Variants in BFSP1 observed in about 807,000 individuals in gnomAD.
The protein encoded by BFSP1 is filensin.
A neutral mutation model predicts 43.9 loss-of-function variants in BFSP1; 38 were observed. The ratio of observed to expected loss-of-function variants is 0.87; its 90% CI spans 0.67 to 1.14. The LOEUF is 1.14. Ranked by LOEUF, BFSP1 falls within the 50% of genes most tolerant of loss-of-function variation. The pLI, the probability that BFSP1 is intolerant of heterozygous loss-of-function variation, is 0.00. For synonymous variants in BFSP1, 352 were observed against 354.8 expected (o/e 0.99, Z 0.09); for missense variants, 850 against 875.1 (o/e 0.97, Z 0.36).
upstream of BFSP1, among the ~76,000 whole-genome samples, chr20:17,532,299 G>A (rs1408815700): frequency 2.0e-5 from 3 of 151,882 alleles, no homozygotes; most frequent in Non-Finnish European, 4.4e-5. Context: ...CAGCTACCTG[G>A]GAGGCTGAGG....
At chr20:17,516,770 C>T (rs2034209825) in intron 2 of BFSP1, 1 of 408,094 alleles carries the variant, frequency 2.5e-6, no homozygotes, top group Admixed American at 3.7e-5. Context: ...AGTCAATGTG[C>T]AACCCTTAGG....
At chr20:17,545,259 C>A (rs1396882777) in intron 1 of BFSP1, among the ~76,000 whole-genome samples, 1 of 152,096 alleles carries the variant, frequency 6.6e-6, no homozygotes, top group Non-Finnish European at 1.5e-5. Context: ...GGTTTGCGGG[C>A]TGGGCTGGAC....
chr20:17,508,938 C>A lies in BFSP1; in HGVS notation c.686G>T (p.Arg229Leu). 6.2e-7 allele frequency: 1 copy of A among 1,605,328 alleles called. No individual in the cohort carries two copies. ...CGCCTGCAGGTGGGAGAGCACCTCC[C>A]GGCCCTCCTCCAGCTGACTCCGCAG... ...AALRSQLEEG[R>L]EVLSHLQAQR... Residue 229 changes from arginine to leucine, a missense_variant, in exon 5 of 8, where the codon CGG becomes CTG. Transcript: ENST00000377873.
At chr20:17,501,787 G>A (rs2033809556) in intron 5 of BFSP1, among the ~76,000 whole-genome samples, 2 of 152,168 alleles carry the variant, frequency 1.3e-5, no homozygotes, top group Admixed American at 1.3e-4. Flanking sequence ...CCACTCTCCT[G>A]TGCAGAGTTA....
Position 17,494,792 on chromosome 20 carries a change from GC to G in BFSP1, c.1279del (p.Ala427LeufsTer11), listed in dbSNP as rs763336975. 1 of 1,614,200 alleles carries G rather than the reference GC, an allele frequency of 6.2e-7. No individual in the cohort carries two copies. The highest frequency in any genetic ancestry group is 8.5e-7 in the Non-Finnish European group (1 of 1,180,042). ...CCCTCCATCTGGCACATCCTCTGGAGCCCCTTCTTGTGTCAGGGGACTTACT... is the reference window on the plus strand; with the variant it reads ...CCCTCCATCTGGCACATCCTCTGGAGCCCTTCTTGTGTCAGGGGACTTACT... ...KEVSPLTQEGAPEDVPDGGQI... is the reference protein window; with the variant it reads ...KEVSPLTQEGXPEDVPDGGQI... On this transcript the variant is annotated frameshift_variant, in exon 8 of 8. Coordinates refer to ENST00000377873, the MANE Select transcript of BFSP1 (RefSeq NM_001195.5). LOFTEE classifies it low-confidence loss of function (END_TRUNC).
chr20:17,567,715 G>T (rs2035135968), intron 1 of BFSP1, among the ~76,000 whole-genome samples: 1 of 152,112 alleles, frequency 6.6e-6, no homozygotes, highest in Admixed American at 6.5e-5. Context: ...TACAAAATTA[G>T]CCGGGTGTGG....
intron 1 of BFSP1, among the ~76,000 whole-genome samples, chr20:17,547,749 T>TG (rs398035456): frequency 1.3e-4 from 20 of 150,254 alleles, no homozygotes; most frequent in Non-Finnish European, 2.5e-4. Flanking sequence ...TTTTTTTTTT[T>TG]GAAACAAGGT....
At chr20:17,514,680 C>T (rs999012323) in intron 3 of BFSP1, 41 bp downstream of exon 3, 1 of 1,589,010 alleles carries the variant, frequency 6.3e-7, no homozygotes. Flanking sequence ...CAAACCCAAA[C>T]TGGGTTTTCT....
chr20:17,520,998 T>C (rs2034309345), intron 2 of BFSP1, among the ~76,000 whole-genome samples: 1 of 152,198 alleles, frequency 6.6e-6, no homozygotes, highest in Admixed American at 6.5e-5. Flanking sequence ...CATTTTAAAA[T>C]TCTGGGAATT....
chr20:17,559,607 G>T (rs1431166192), upstream of BFSP1, among the ~76,000 whole-genome samples: 1 of 152,176 alleles, frequency 6.6e-6, no homozygotes, highest in Non-Finnish European at 1.5e-5. Flanking sequence ...TTGGTCTGTG[G>T]CCTGTTAGGA....
At chr20:17,554,026 T>C (rs989884855) in intron 1 of BFSP1, among the ~76,000 whole-genome samples, 1 of 151,310 alleles carries the variant, frequency 6.6e-6, no homozygotes, top group Non-Finnish European at 1.5e-5. Flanking sequence ...TTATGTACAG[T>C]ATTATGTCCC....
intron 1 of BFSP1, among the ~76,000 whole-genome samples, chr20:17,537,189 T>C (rs1418318459): frequency 6.6e-6 from 1 of 152,148 alleles, no homozygotes; most frequent in African/African-American, 2.4e-5. Context: ...CTTGAAGCCT[T>C]TCCACCAAAC....
At chr20:17,520,401 C>T (rs1251742034) in intron 2 of BFSP1, among the ~76,000 whole-genome samples, 1 of 152,166 alleles carries the variant, frequency 6.6e-6, no homozygotes, top group Non-Finnish European at 1.5e-5. Context: ...AAAAAACAGC[C>T]TTGCTGACCT....
intron 5 of BFSP1, among the ~76,000 whole-genome samples, chr20:17,499,937 A>T (rs2033755719): frequency 6.6e-6 from 1 of 152,240 alleles, no homozygotes; most frequent in South Asian, 2.1e-4. Context: ...AAAGAAAAAA[A>T]ACTTGCTATC....
intron 1 of BFSP1, among the ~76,000 whole-genome samples, chr20:17,566,201 G>A (rs928979847): frequency 2.0e-5 from 3 of 151,320 alleles, no homozygotes; most frequent in Admixed American, 2.0e-4. Flanking sequence ...AGAGGGAGGA[G>A]TTAAAAGTTT....
At chr20:17,554,656 G>A (rs1187658128) in intron 1 of BFSP1, among the ~76,000 whole-genome samples, 1 of 152,156 alleles carries the variant, frequency 6.6e-6, no homozygotes, top group Non-Finnish European at 1.5e-5. Context: ...AACAGATGAT[G>A]GAATATTAGA....
At position 17,497,017 on chromosome 20, in the gene BFSP1, G is replaced by C. The variant is rs545436491; in HGVS notation, c.963C>G (p.Thr321=). 2.0e-6 allele frequency: 3 copies of C among 1,537,350 alleles called. No homozygotes were observed. The highest frequency in any genetic ancestry group is 5.1e-5 in the East Asian group (2 of 39,560). The change falls in exon 7 of 8, where the codon ACC becomes ACG. Residue 321 remains threonine, a synonymous_variant. Transcript: ENST00000377873. The part of the protein sequence containing the change: ...RIIEIEGNRL[T]SAFIETPIPL... Reference sequence around the variant, plus strand: ...GAATGGGAGTTTCAATGAAGGCAGAGGTCAGCCTGGCAGAAAGAACCAGAA... The same window carrying C: ...GAATGGGAGTTTCAATGAAGGCAGACGTCAGCCTGGCAGAAAGAACCAGAA...
At chr20:17,562,005 C>T (rs548691099), upstream of BFSP1, among the ~76,000 whole-genome samples, 1 of 152,138 alleles carries the variant, frequency 6.6e-6, no homozygotes, top group South Asian at 2.1e-4. Flanking sequence ...ACTGCAACCT[C>T]TGCCTCCTGG....
Position 17,514,801 on chromosome 20 carries a change from A to T in BFSP1, c.454T>A (p.Leu152Met). 6.2e-7 allele frequency: 1 copy of T among 1,613,810 alleles called. No homozygotes were observed. The highest frequency in any genetic ancestry group is 1.1e-5 in the South Asian group (1 of 91,058). Reference sequence around the variant, plus strand: ...AGCTGAAGGCGTAGGTTATGCAGCAAGGCTTCATCAGCTTCCTGCAATGAG... The same window carrying T: ...AGCTGAAGGCGTAGGTTATGCAGCATGGCTTCATCAGCTTCCTGCAATGAG... ...ERLNKEADEA[L>M]LHNLRLQLEA... The change falls in exon 3 of 8, where the codon TTG (leucine) becomes ATG (methionine). Residue 152 changes from leucine to methionine, a missense_variant. Transcript: ENST00000377873.
Sources: gnomAD v4.1 joint callset for allele counts (sites outside exome capture counted in the v4.1 genomes callset) on GRCh38, gnomAD v4.1.1 for gene constraint, MANE v1.5 for transcripts, NCBI Gene and HGNC (gene_info 2026-07-23, HGNC 2026-07-21) for gene names.